ARHGEF3: variants seen among roughly 807,000 people sequenced by gnomAD.
The protein encoded by ARHGEF3 is Rho guanine nucleotide exchange factor 3.
In ARHGEF3, 28 loss-of-function variants were observed where a neutral mutation model predicts 63.2. The ratio of observed to expected loss-of-function variants is 0.44; its 90% confidence interval spans 0.33 to 0.61. ARHGEF3 has a LOEUF of 0.61. Ranked by LOEUF, ARHGEF3 falls within the 20% of genes least tolerant of loss-of-function variation. The pLI, the probability that ARHGEF3 is intolerant of heterozygous loss-of-function variation, is 0.03. For missense variants in ARHGEF3, 533 were observed against 659.3 expected (o/e 0.81, Z 2.10); for synonymous variants, 266 against 254.2 (o/e 1.05, Z -0.44).
At chr3:56,785,673 A>G (rs920211809) in intron 1 of ARHGEF3, among the ~76,000 whole-genome samples, 1 of 152,174 alleles carries the variant, frequency 6.6e-6, no homozygotes, top group African/African-American at 2.4e-5. Context: ...AGAAGTAGGG[A>G]GATGAAAAAG....
chr3:56,970,283 TC>T (rs1700850961), intron 2 of ARHGEF3, among the ~76,000 whole-genome samples: 1 of 152,178 alleles, frequency 6.6e-6, no homozygotes, highest in African/African-American at 2.4e-5. Context: ...AAAAATATTT[TC>T]GGGCAAAATA....
intron 1 of ARHGEF3, among the ~76,000 whole-genome samples, chr3:57,067,726 A>G (rs1166156249): frequency 1.3e-5 from 2 of 151,236 alleles, no homozygotes; most frequent in African/African-American, 4.9e-5. Flanking sequence ...TCATGCCTGT[A>G]ATCCCAGCAC....
At chr3:57,049,747 G>C (rs1002844575) in intron 1 of ARHGEF3, among the ~76,000 whole-genome samples, 7 of 152,198 alleles carry the variant, frequency 4.6e-5, no homozygotes, top group African/African-American at 1.7e-4. Context: ...AATTCCAACA[G>C]AGAAACTAGC....
chr3:56,843,270 A>G (rs2039375112), intron 4 of ARHGEF3, among the ~76,000 whole-genome samples: 2 of 151,792 alleles, frequency 1.3e-5, no homozygotes, highest in East Asian at 3.9e-4. Context: ...TTTATTTTTT[A>G]TTTTTCTAAG....
At chr3:56,858,802 G>A (rs929042921) in intron 4 of ARHGEF3, among the ~76,000 whole-genome samples, 4 of 152,166 alleles carry the variant, frequency 2.6e-5, no homozygotes, top group Non-Finnish European at 4.4e-5. Context: ...GAGATGGAGA[G>A]GGTGGAGGGA....
At chr3:56,878,419 C>A (rs1332810028) in intron 4 of ARHGEF3, among the ~76,000 whole-genome samples, 1 of 152,140 alleles carries the variant, frequency 6.6e-6, no homozygotes, top group Non-Finnish European at 1.5e-5. Flanking sequence ...GTTGGGGGCC[C>A]AGTCAGGGGA....
At chr3:56,904,716 C>T (rs1462404655) in intron 3 of ARHGEF3, among the ~76,000 whole-genome samples, 1 of 152,150 alleles carries the variant, frequency 6.6e-6, no homozygotes, top group African/African-American at 2.4e-5. Flanking sequence ...CAAAGAACAT[C>T]TGTTTTGTAT....
At chr3:56,842,035 T>A (rs1247533917) in intron 4 of ARHGEF3, among the ~76,000 whole-genome samples, 4 of 152,172 alleles carry the variant, frequency 2.6e-5, no homozygotes, top group Non-Finnish European at 5.9e-5. Flanking sequence ...AAAAATGCCA[T>A]ATGAAGTAGG....
chr3:56,728,990 A>G lies in ARHGEF3; in HGVS notation c.*280T>C, dbSNP rs757157682. On this transcript the variant is annotated 3_prime_UTR_variant, in exon 10 of 10. Transcript: ENST00000296315. ...GAGATTCTTTTTCTATTTTTTTAAA[A>G]TCCAGCAGGACAACTGAAAGTAACT... is the stretch of plus-strand genomic sequence containing the variant. 24 of 330,322 alleles carry G rather than the reference A, an allele frequency of 7.3e-5. No homozygotes were observed. In the Middle Eastern group the frequency reaches 2.5e-3, roughly 35 times the overall value. 20.5% of individuals were successfully genotyped at this position (330,322 alleles called of 1,614,324 possible).
chr3:56,807,945 G>A (rs1436412808), intron 4 of ARHGEF3, among the ~76,000 whole-genome samples: 3 of 152,022 alleles, frequency 2.0e-5, no homozygotes. Context: ...CCAACATGGT[G>A]AAACCCCGTC....
intron 2 of ARHGEF3, among the ~76,000 whole-genome samples, chr3:57,028,715 TA>T (rs150495447): frequency 0.024 from 3,249 of 134,570 alleles, 75 homozygotes; most frequent in Non-Finnish European, 0.033. Flanking sequence ...AATAAATAAA[TA>T]AAAAAAAAAG....
chr3:56,748,078 C>A (rs2034500981), intron 6 of ARHGEF3, among the ~76,000 whole-genome samples: 2 of 152,192 alleles, frequency 1.3e-5, no homozygotes, highest in Admixed American at 6.5e-5. Flanking sequence ...CTTTGTTGCT[C>A]AGGTGGAGAG....
intron 4 of ARHGEF3, among the ~76,000 whole-genome samples, chr3:56,826,456 A>T (rs1193198469): frequency 6.6e-6 from 1 of 152,208 alleles, no homozygotes; most frequent in Non-Finnish European, 1.5e-5. Flanking sequence ...CAAGATCATA[A>T]GCTCTTTGAG....
chr3:57,054,618 G>A (rs1197100124), intron 1 of ARHGEF3, among the ~76,000 whole-genome samples: 1 of 150,138 alleles, frequency 6.7e-6, no homozygotes, highest in African/African-American at 2.4e-5. Flanking sequence ...CAGCCTGGGT[G>A]ACAGAGTGAG....
At chr3:57,042,651 A>AAT (rs71076013) in intron 1 of ARHGEF3, among the ~76,000 whole-genome samples, 39 of 49,268 alleles carry the variant, frequency 7.9e-4, no homozygotes, top group African/African-American at 2.4e-3. Context: ...TATGTACATA[A>AAT]ATATATATAT....
At chr3:56,812,889 G>C (rs1203345851) in intron 4 of ARHGEF3, among the ~76,000 whole-genome samples, 2 of 152,196 alleles carry the variant, frequency 1.3e-5, no homozygotes, top group Non-Finnish European at 2.9e-5. Context: ...GCTCATTCTG[G>C]TTTAGAGACA....
In ARHGEF3 at chr3:56,801,778, G is replaced by T. The variant is rs2037666605; in HGVS notation, c.21C>A (p.Pro7=). 2 of 1,567,218 alleles carry T rather than the reference G, an allele frequency of 1.3e-6. No homozygotes were observed. The highest frequency in any genetic ancestry group is 2.3e-5 in the South Asian group (2 of 85,232). ...TCGCTCTCTTGACCGTGAGGTAGAA[G>T]GGGTAATCCTTGGCCACCATGGCGG... The part of the protein sequence containing the change: MVAKDY[P]FYLTVKRANC... Residue 7 remains proline (P), a synonymous_variant, in exon 1 of 10, where the codon CCC becomes CCA. Transcript: ENST00000296315.
Position 57,025,249 on chromosome 3 carries a change from G to A in ARHGEF3, c.62+9839C>T, listed in dbSNP as rs368065589. Among the ~76,000 whole-genome samples the A allele has an allele frequency of 2.6e-5, 4 of 152,192 alleles. No individual in the cohort carries two copies. The East Asian group carries it at 7.7e-4, about 29-fold the overall frequency. ...AAAAGGGGTTTCGGAGCAATGGAGG[G>A]ACTCTGGATCCTGAAGAAGAGTTAG... is the stretch of plus-strand genomic sequence containing the variant. On this transcript the variant is annotated intron_variant, in intron 2 of 12. Transcript: ENST00000338458.
intron 2 of ARHGEF3, among the ~76,000 whole-genome samples, chr3:57,005,596 G>C (rs1240744325): frequency 6.6e-6 from 1 of 152,166 alleles, no homozygotes; most frequent in Non-Finnish European, 1.5e-5. Flanking sequence ...GTGACAGCCT[G>C]CCCATCCTGC....
Sources: allele counts gnomAD v4.1 joint callset (sites outside exome capture counted in the v4.1 genomes callset), GRCh38; gene constraint gnomAD v4.1.1; transcripts MANE v1.5; gene names NCBI Gene and HGNC (gene_info 2026-07-23, HGNC 2026-07-21).